The following VSIG10 variants were observed in gnomAD, a reference collection of about 807,000 sequenced individuals.
The protein encoded by VSIG10 is V-set and immunoglobulin domain-containing protein 10.
VSIG10 carries 48 observed loss-of-function variants against 58.7 expected under a neutral mutation model. The ratio of observed to expected loss-of-function variants is 0.82; its 90% CI spans 0.65 to 1.04. The LOEUF is 1.04. Among genes scored for constraint, VSIG10 ranks in the 50% least tolerant of loss-of-function variants. VSIG10 has a pLI of 0.00. For missense variants in VSIG10, 628 were observed against 670.0 expected (o/e 0.94, Z 0.69); for synonymous variants, 260 against 267.1 (o/e 0.97, Z 0.26).
intron 4 of VSIG10, among the ~76,000 whole-genome samples, chr12:118,079,133 A>G (rs2032846284): frequency 1.3e-5 from 2 of 152,080 alleles, no homozygotes; most frequent in South Asian, 4.1e-4. Flanking sequence ...TGTCAAGTGG[A>G]AAATAGCTGG....
Position 118,071,522 on chromosome 12 carries a change from GAAC to G in VSIG10, c.1220-56_1220-54del, listed in dbSNP as rs576024646. ...CTTCCATCAGATATGTGTGCAATTA[GAAC>G]AACACCTCCCTTTCTCTGCGTGGAT... is the stretch of plus-strand genomic sequence containing the variant. On this transcript the variant is annotated intron_variant, in intron 5 of 8. Coordinates refer to ENST00000359236, the MANE Select transcript of VSIG10 (RefSeq NM_019086.6). 3,227 of 1,494,252 alleles carry G rather than the reference GAAC, an allele frequency of 2.2e-3. 5 individuals are homozygous for G. The highest frequency in any genetic ancestry group is 2.7e-3 in the Non-Finnish European group (2,860 of 1,071,014). 92.6% of individuals were successfully genotyped at this position (1,494,252 alleles called of 1,614,324 possible). A position where few individuals can be genotyped will look rare whatever the true frequency, so the allele number is the denominator to read the frequency against.
chr12:118,098,303 C>T (rs1453860638), intron 1 of VSIG10, among the ~76,000 whole-genome samples: 1 of 112,988 alleles, frequency 8.9e-6, no homozygotes, highest in African/African-American at 3.7e-5. Flanking sequence ...CTCTCTCCGC[C>T]TCTCCCTCTC....
At chr12:118,073,592 G>T in intron 5 of VSIG10, 107 bp downstream of exon 5, 2 of 1,315,482 alleles carry the variant, frequency 1.5e-6, no homozygotes, top group South Asian at 1.6e-5. Flanking sequence ...CCTTCTCCCA[G>T]TTGGCAGTGA....
chr12:118,098,924 T>TGGGG (rs35378165), intron 1 of VSIG10, among the ~76,000 whole-genome samples: 13 of 147,856 alleles, frequency 8.8e-5, no homozygotes, highest in South Asian at 2.2e-4. Flanking sequence ...AGATGGGGGT[T>TGGGG]GGGGGGGGTC....
In VSIG10 at chr12:118,064,914, G is replaced by A. The variant is rs2032197604; in HGVS notation, c.*1725C>T. 1 of 152,172 alleles carries A rather than the reference G, an allele frequency of 6.6e-6. No individual in the cohort carries two copies. The highest frequency in any genetic ancestry group is 1.5e-5 in the Non-Finnish European group (1 of 68,034). The allele number at this position is 152,172 out of a possible 1,614,324, so 9.4% of individuals were successfully genotyped here. On this transcript the variant is annotated 3_prime_UTR_variant, in exon 9 of 9. Transcript: ENST00000359236. ...TTGGAGAAAGGAAGTTCCCCTTTAAGCCCTAGGTCCTGCCCACTAGAGCAG... is the reference window on the plus strand; with the variant it reads ...TTGGAGAAAGGAAGTTCCCCTTTAAACCCTAGGTCCTGCCCACTAGAGCAG...
At chr12:118,103,544 CCG>C in intron 1 of VSIG10, 47 bp downstream of exon 1, 1 of 1,487,662 alleles carries the variant, frequency 6.7e-7, no homozygotes, top group Non-Finnish European at 8.9e-7. Context: ...CCCCTCCCCA[CCG>C]CTGACTGGGA....
At chr12:118,095,843 A>G (rs1212153538) in intron 1 of VSIG10, 29 bp from the exon 2 acceptor site, 1 of 1,575,154 alleles carries the variant, frequency 6.3e-7, no homozygotes, top group African/African-American at 1.4e-5. Context: ...GGCTGTTACT[A>G]CCCTTCTTAA....
intron 1 of VSIG10, among the ~76,000 whole-genome samples, chr12:118,100,553 T>C (rs992433558): frequency 6.6e-6 from 1 of 152,116 alleles, no homozygotes; most frequent in Non-Finnish European, 1.5e-5. Context: ...TTTTTTGAGA[T>C]GAAGTCTCGC....
Position 118,066,618 on chromosome 12 carries a change from A to C in VSIG10, c.*21T>G. 1 of 1,613,796 alleles carries C rather than the reference A, an allele frequency of 6.2e-7. No homozygotes were observed. The highest frequency in any genetic ancestry group is 1.7e-5 in the Admixed American group (1 of 59,998). On this transcript the variant is annotated 3_prime_UTR_variant, in exon 9 of 9. Coordinates refer to ENST00000359236, the MANE Select transcript of VSIG10 (RefSeq NM_019086.6). ...GCTCTCCAAGCTTTCAGAGCAAGAC[A>C]ACCATGGACCATCCTCTTCTTCAGA...
chr12:118,087,011 C>A (rs778252751), intron 2 of VSIG10, among the ~76,000 whole-genome samples: 3 of 151,840 alleles, frequency 2.0e-5, no homozygotes, highest in Non-Finnish European at 4.4e-5. Context: ...GATCTGCCCA[C>A]CTTGGTCTCC....
intron 8 of VSIG10, among the ~76,000 whole-genome samples, chr12:118,067,563 A>C (rs755519972): frequency 1.4e-4 from 21 of 150,320 alleles, no homozygotes; most frequent in Non-Finnish European, 3.1e-4. Context: ...TCCCGGGTTC[A>C]AGTGATTCTC....
intron 5 of VSIG10, among the ~76,000 whole-genome samples, chr12:118,072,464 CA>C (rs560409870): frequency 9.7e-4 from 84 of 86,488 alleles, no homozygotes; most frequent in African/African-American, 8.1e-4. Context: ...GACTCCGTCT[CA>C]AAAAAAAAAA....
rs1390502232 is a variant in VSIG10, at chr12:118,068,403, ATCTGT to A, written c.1536_1540del (p.Glu512AspfsTer11). ...TTGAAGATCCTGGAATCCATTTCCCATCTGTTCTATGTTCCCATTCACCAAGGCGG... is the reference window on the plus strand; with the variant it reads ...TTGAAGATCCTGGAATCCATTTCCCATCTATGTTCCCATTCACCAAGGCGG... On this transcript the variant is annotated frameshift_variant, in exon 8 of 9. Coordinates refer to ENST00000359236, the MANE Select transcript of VSIG10 (RefSeq NM_019086.6). LOFTEE classifies it high-confidence loss of function. 1 of 1,613,500 alleles carries A rather than the reference ATCTGT, an allele frequency of 6.2e-7. No individual in the cohort carries two copies. The highest frequency in any genetic ancestry group is 1.1e-5 in the South Asian group (1 of 91,006).
At chr12:118,075,228 A>G (rs1435704004) in intron 4 of VSIG10, among the ~76,000 whole-genome samples, 2 of 151,036 alleles carry the variant, frequency 1.3e-5, no homozygotes, top group East Asian at 1.9e-4. Flanking sequence ...GTGTGTGTAT[A>G]TATATATATA....
intron 8 of VSIG10, among the ~76,000 whole-genome samples, chr12:118,067,610 C>A (rs894690020): frequency 4.0e-5 from 6 of 151,684 alleles, no homozygotes; most frequent in Admixed American, 1.3e-4. Context: ...ATTACAGGCA[C>A]CTACCACACC....
Position 118,068,417 on chromosome 12 carries a change from C to G in VSIG10, c.1527G>C (p.Gly509=), listed in dbSNP as rs2032343575. The G allele has an allele frequency of 6.2e-7, 1 of 1,613,760 alleles. No individual in the cohort carries two copies. Among genetic ancestry groups the G allele is most frequent in the Non-Finnish European group, 8.5e-7 (1 of 1,179,858 alleles). The change falls in exon 8 of 9, where the codon GGG becomes GGC. Residue 509 remains glycine (G), a synonymous_variant. Coordinates refer to ENST00000359236, the MANE Select transcript of VSIG10 (RefSeq NM_019086.6). ...ATCCATTTCCCATCTGTTCTATGTTCCCATTCACCAAGGCGGTCACTCTGT... is the reference window on the plus strand; with the variant it reads ...ATCCATTTCCCATCTGTTCTATGTTGCCATTCACCAAGGCGGTCACTCTGT... ...HIHRVTALVN[G]NIEQMGNGFQ... is the part of the protein sequence containing the mutation.
chr12:118,076,644 T>A (rs1463226035), intron 4 of VSIG10, among the ~76,000 whole-genome samples: 1 of 151,158 alleles, frequency 6.6e-6, no homozygotes, highest in African/African-American at 2.4e-5. Flanking sequence ...TGACTGATCC[T>A]GGCGCTTCTG....
At chr12:118,084,840 A>C (rs2033071484) in intron 2 of VSIG10, among the ~76,000 whole-genome samples, 1 of 152,194 alleles carries the variant, frequency 6.6e-6, no homozygotes, top group Non-Finnish European at 1.5e-5. Flanking sequence ...TAACACGGTG[A>C]AACCCCGTCT....
At chr12:118,077,452 A>G (rs2032774437) in intron 4 of VSIG10, among the ~76,000 whole-genome samples, 1 of 151,964 alleles carries the variant, frequency 6.6e-6, no homozygotes, top group African/African-American at 2.4e-5. Context: ...TTGTTTTTGT[A>G]CTTTCTGTCT....
Sources: allele counts gnomAD v4.1 joint callset (sites outside exome capture counted in the v4.1 genomes callset), GRCh38; gene constraint gnomAD v4.1.1; transcripts MANE v1.5; gene names NCBI Gene and HGNC (gene_info 2026-07-23, HGNC 2026-07-21).